Variants in AFF3 observed in about 807,000 individuals in gnomAD.
AFF3 encodes AF4/FMR2 family member 3.
AFF3 carries 32 observed loss-of-function variants against 129.7 expected under a neutral mutation model. The ratio of observed to expected loss-of-function variants is 0.25; its 90% CI spans 0.19 to 0.33. The LOEUF (loss-of-function observed/expected upper bound fraction) is 0.33. Among genes scored for constraint, AFF3 ranks in the 10% least tolerant of loss-of-function variants. The pLI is 1.00. For missense variants in AFF3, 1,373 were observed against 1,592.0 expected (o/e 0.86, Z 2.34); for synonymous variants, 644 against 635.4 (o/e 1.01, Z -0.20).
At chr2:99,859,013 C>G (rs1014136796) in intron 7 of AFF3, among the ~76,000 whole-genome samples, 9 of 152,226 alleles carry the variant, frequency 5.9e-5, no homozygotes, top group African/African-American at 1.9e-4. Flanking sequence ...ACTTTATTCT[C>G]CATGAATATG....
At chr2:99,983,073 C>G (rs970244100) in intron 7 of AFF3, among the ~76,000 whole-genome samples, 8 of 152,230 alleles carry the variant, frequency 5.3e-5, no homozygotes, top group African/African-American at 1.7e-4. Context: ...CCTTAAAGAA[C>G]TATCCAGGTG....
intron 10 of AFF3, among the ~76,000 whole-genome samples, chr2:99,735,816 A>C (rs1680208233): frequency 6.6e-6 from 1 of 152,194 alleles, no homozygotes; most frequent in South Asian, 2.1e-4. Context: ...TTTCAGATGC[A>C]AAGCTGCAAC....
chr2:100,009,442 T>C (rs1167116354), intron 4 of AFF3, among the ~76,000 whole-genome samples: 2 of 152,128 alleles, frequency 1.3e-5, no homozygotes, highest in African/African-American at 2.4e-5. Context: ...TTATGAGCCT[T>C]CTTCTGATCT....
intron 7 of AFF3, among the ~76,000 whole-genome samples, chr2:99,973,651 T>G (rs1678602960): frequency 6.6e-6 from 1 of 152,222 alleles, no homozygotes; most frequent in Non-Finnish European, 1.5e-5. Context: ...GATTCTAATT[T>G]TCAATGTTTT....
chr2:100,032,550 A>G (rs1371603689), intron 4 of AFF3, among the ~76,000 whole-genome samples: 1 of 152,222 alleles, frequency 6.6e-6, no homozygotes, highest in Non-Finnish European at 1.5e-5. Flanking sequence ...TGAATTGTGT[A>G]CCTCACACTG....
intron 7 of AFF3, among the ~76,000 whole-genome samples, chr2:99,980,448 G>A (rs2104501726): frequency 6.6e-6 from 1 of 152,322 alleles, no homozygotes; most frequent in Admixed American, 6.5e-5. Flanking sequence ...GAAAGGCAAT[G>A]ATTTCTCTTT....
chr2:99,947,637 T>TAGAC (rs1229518187), intron 7 of AFF3, among the ~76,000 whole-genome samples: 4 of 143,638 alleles, frequency 2.8e-5, no homozygotes, highest in Non-Finnish European at 4.6e-5. Flanking sequence ...GATAGATAGA[T>TAGAC]AGATAGATAG....
intron 12 of AFF3, among the ~76,000 whole-genome samples, chr2:99,653,557 G>A (rs538474556): frequency 3.8e-4 from 58 of 152,334 alleles, no homozygotes; most frequent in Non-Finnish European, 7.5e-4. Context: ...AAGAAACACT[G>A]CTGTCTGGCC....
intron 11 of AFF3, among the ~76,000 whole-genome samples, chr2:99,674,890 G>T (rs185906960): frequency 5.3e-5 from 8 of 152,292 alleles, no homozygotes; most frequent in Admixed American, 3.3e-4. Context: ...GCTGTGTGAG[G>T]CTCTCTTTCA....
chr2:100,007,717 G>A lies in AFF3; in HGVS notation c.175-257C>T, dbSNP rs527756966. On this transcript the variant is annotated intron_variant, in intron 5 of 24. Transcript: ENST00000672756. Reference sequence around the variant, plus strand: ...CGGGCGCGGTGGCTGGCTCATGCCTGGAATCCCAGCACTTTGGGAGGCCGA... The same window carrying A: ...CGGGCGCGGTGGCTGGCTCATGCCTAGAATCCCAGCACTTTGGGAGGCCGA... 2.1e-4 allele frequency: 99 copies of A among 480,494 alleles called. No individual in the cohort carries two copies. The South Asian group carries it at 2.3e-3, about 11-fold the overall frequency. The allele number at this position is 480,494 out of a possible 1,614,324, so 29.8% of individuals were successfully genotyped here.
chr2:99,660,845 A>C (rs774148756), intron 12 of AFF3, among the ~76,000 whole-genome samples: 3 of 152,182 alleles, frequency 2.0e-5, no homozygotes, highest in Admixed American at 6.5e-5. Context: ...TGGGGATGGA[A>C]TTGGGAAGTG....
chr2:99,726,006 C>A (rs1176901473), intron 11 of AFF3, among the ~76,000 whole-genome samples: 1 of 152,084 alleles, frequency 6.6e-6, no homozygotes, highest in African/African-American at 2.4e-5. Flanking sequence ...GCATTAAAAG[C>A]CTTTCCCATT....
chr2:99,986,250 A>AATAATAATG (rs1206769837), intron 7 of AFF3, among the ~76,000 whole-genome samples: 11 of 142,804 alleles, frequency 7.7e-5, no homozygotes, highest in South Asian at 2.2e-4. Context: ...TAATAATAAT[A>AATAATAATG]ATGTAGGACA....
intron 8 of AFF3, among the ~76,000 whole-genome samples, chr2:99,783,784 T>A (rs1311623813): frequency 6.6e-6 from 1 of 152,220 alleles, no homozygotes; most frequent in African/African-American, 2.4e-5. Context: ...TCCAGCCACT[T>A]TTCTAAAATA....
In AFF3 at chr2:99,782,738, T is replaced by A. The variant is rs539249695; in HGVS notation, c.922-30437A>T. Among the ~76,000 whole-genome samples, 5 of 152,350 alleles carry A rather than the reference T, an allele frequency of 3.3e-5. No homozygotes were observed. In the East Asian group the frequency reaches 9.6e-4, roughly 29 times the overall value. On this transcript the variant is annotated intron_variant, in intron 8 of 24. Coordinates refer to ENST00000672756, the MANE Select transcript of AFF3 (RefSeq NM_001386135.1). ...AACACACGTACAAATGCAGTGTTCA[T>A]GGCAAACTCAGAGACAAGACTTCTG...
At chr2:99,596,136 C>T (rs1397301257) in intron 14 of AFF3, among the ~76,000 whole-genome samples, 4 of 152,188 alleles carry the variant, frequency 2.6e-5, no homozygotes, top group Admixed American at 6.5e-5. Flanking sequence ...CCAACGGAAC[C>T]GGGGCACCAG....
intron 8 of AFF3, among the ~76,000 whole-genome samples, chr2:99,800,114 A>G (rs530676163): frequency 2.4e-4 from 36 of 152,318 alleles, no homozygotes; most frequent in Middle Eastern, 3.4e-3. Context: ...AAAGTTTGAA[A>G]GACATGTCTT....
intron 12 of AFF3, among the ~76,000 whole-genome samples, chr2:99,660,376 G>C (rs1247381574): frequency 6.6e-6 from 1 of 152,020 alleles, no homozygotes; most frequent in Non-Finnish European, 1.5e-5. Context: ...TTTTACTTAG[G>C]CAAAATAGCA....
At chr2:99,970,337 AC>A (rs1051320613) in intron 7 of AFF3, among the ~76,000 whole-genome samples, 12 of 151,926 alleles carry the variant, frequency 7.9e-5, no homozygotes, top group African/African-American at 2.9e-4. Context: ...TCAAACAATC[AC>A]AGATCTTCTA....
Sources: allele counts gnomAD v4.1 joint callset (sites outside exome capture counted in the v4.1 genomes callset), GRCh38; gene constraint gnomAD v4.1.1; transcripts MANE v1.5; gene names NCBI Gene and HGNC (gene_info 2026-07-23, HGNC 2026-07-21).